The following NAV3 variants were observed in gnomAD, a reference collection of about 807,000 sequenced individuals.
The protein encoded by NAV3 is pore membrane and/or filament interacting like protein 1.
Under a neutral mutation model 244.7 loss-of-function variants are expected in NAV3, and 87 were observed. The ratio of observed to expected loss-of-function variants is 0.36; its 90% CI spans 0.30 to 0.42. The LOEUF is 0.42. Ranked by LOEUF, NAV3 falls within the 20% of genes least tolerant of loss-of-function variation. The pLI, the probability that NAV3 is intolerant of heterozygous loss-of-function variation, is 1.00. For missense variants in NAV3, 2,663 were observed against 2,893.3 expected, an observed-to-expected ratio of 0.92 and a Z score of 1.83; for synonymous variants, 1,126 against 1,042.2, an observed-to-expected ratio of 1.08 and a Z score of -1.55.
In NAV3 at chr12:77,763,102, G is replaced by C. The variant is rs2139716; in HGVS notation, c.73-177217G>C. On this transcript the variant is annotated intron_variant, in intron 2 of 8. Transcript: ENST00000550042. ...CTGTAATATCTGCCTTCATGGAATG[G>C]GATGTCTGTAAATATAGACTGTACC... Among the ~76,000 whole-genome samples, 7 of 152,066 alleles carry C rather than the reference G, an allele frequency of 4.6e-5. No individual in the cohort carries two copies. In the South Asian group the frequency reaches 1.0e-3, roughly 23 times the overall value.
At chr12:78,051,870 A>G (rs1279695249) in intron 11 of NAV3, among the ~76,000 whole-genome samples, 2 of 152,176 alleles carry the variant, frequency 1.3e-5, no homozygotes, top group East Asian at 3.8e-4. Context: ...TGCTTTGAAG[A>G]TATTGTTTTA....
chr12:78,108,584 A>C (rs1015415371), intron 12 of NAV3, among the ~76,000 whole-genome samples: 6 of 152,182 alleles, frequency 3.9e-5, no homozygotes, highest in Admixed American at 1.3e-4. Context: ...GCAATTTTTT[A>C]AAAGTTGAAA....
intron 2 of NAV3, among the ~76,000 whole-genome samples, chr12:77,600,406 G>A (rs1870371094): frequency 6.6e-6 from 1 of 151,872 alleles, no homozygotes; most frequent in Admixed American, 6.6e-5. Flanking sequence ...TTCCTTGACT[G>A]TAACTTCTCT....
chr12:77,695,553 C>T (rs568322802), intron 2 of NAV3, among the ~76,000 whole-genome samples: 106 of 152,214 alleles, frequency 7.0e-4, no homozygotes, highest in African/African-American at 2.4e-3. Flanking sequence ...GTTACTGTAG[C>T]TCTTTAGGCC....
intron 12 of NAV3, among the ~76,000 whole-genome samples, chr12:78,080,566 T>C (rs1231976303): frequency 6.6e-6 from 1 of 152,226 alleles, no homozygotes; most frequent in Non-Finnish European, 1.5e-5. Flanking sequence ...GGTATCAGTA[T>C]TGATTATGAC....
At chr12:77,838,701 G>T (rs1875092511) in intron 1 of NAV3, among the ~76,000 whole-genome samples, 1 of 151,960 alleles carries the variant, frequency 6.6e-6, no homozygotes, top group Non-Finnish European at 1.5e-5. Flanking sequence ...TGATATTTAT[G>T]CTATCAAATC....
intron 34 of NAV3, among the ~76,000 whole-genome samples, chr12:78,191,370 A>T (rs1406631596): frequency 6.6e-6 from 1 of 152,050 alleles, no homozygotes; most frequent in African/African-American, 2.4e-5. Context: ...TGCAATTTTT[A>T]ATTATAGCCC....
At chr12:77,871,207 A>T (rs982547963) in intron 1 of NAV3, among the ~76,000 whole-genome samples, 3 of 152,202 alleles carry the variant, frequency 2.0e-5, no homozygotes, top group African/African-American at 7.2e-5. Flanking sequence ...GATAAATTTC[A>T]TGTGAGAAAT....
intron 5 of NAV3, among the ~76,000 whole-genome samples, chr12:77,989,321 C>A (rs1270658281): frequency 6.6e-6 from 1 of 152,156 alleles, no homozygotes; most frequent in Non-Finnish European, 1.5e-5. Flanking sequence ...ACAAATGTCT[C>A]ACTAACTTAC....
At chr12:78,163,717 G>C (rs1227276749) in intron 23 of NAV3, among the ~76,000 whole-genome samples, 1 of 152,108 alleles carries the variant, frequency 6.6e-6, no homozygotes. Flanking sequence ...TAAGAGAATT[G>C]TTAATGTGCT....
intron 6 of NAV3, among the ~76,000 whole-genome samples, chr12:77,997,607 C>A (rs1872577591): frequency 6.6e-6 from 1 of 152,184 alleles, no homozygotes; most frequent in Non-Finnish European, 1.5e-5. Flanking sequence ...AAATTGTCAT[C>A]CAGCTAACAG....
intron 2 of NAV3, among the ~76,000 whole-genome samples, chr12:77,575,802 T>G (rs1869053193): frequency 6.6e-6 from 1 of 152,138 alleles, no homozygotes; most frequent in South Asian, 2.1e-4. Context: ...AACCAAAGCA[T>G]TTGTCATAGT....
intron 9 of NAV3, among the ~76,000 whole-genome samples, chr12:78,037,998 A>T (rs189277415): frequency 1.8e-4 from 28 of 152,300 alleles, no homozygotes; most frequent in Admixed American, 7.8e-4. Context: ...TGTGCACATT[A>T]TAAGTATTTA....
intron 2 of NAV3, among the ~76,000 whole-genome samples, chr12:77,706,042 G>C (rs183873357): frequency 6.6e-6 from 1 of 151,398 alleles, no homozygotes; most frequent in South Asian, 2.1e-4. Flanking sequence ...GATATCTAAA[G>C]TTGAGGAAAT....
At chr12:77,614,500 T>C (rs1182929773) in intron 2 of NAV3, among the ~76,000 whole-genome samples, 1 of 152,202 alleles carries the variant, frequency 6.6e-6, no homozygotes, top group Non-Finnish European at 1.5e-5. Flanking sequence ...GTATGTAATA[T>C]ATTTTAAATC....
rs2138522117 is a variant in NAV3, at chr12:78,116,915, C to A, written c.2769+11C>A. ...AGGAAGAATACTCAGGTGAGAATTACCACCTTTCTTTTTCCAGTGTTTCTG... is the reference window on the plus strand; with the variant it reads ...AGGAAGAATACTCAGGTGAGAATTAACACCTTTCTTTTTCCAGTGTTTCTG... On this transcript the variant is annotated intron_variant, in intron 13 of 39. Transcript: ENST00000397909. 1 of 1,609,046 alleles carries A rather than the reference C, an allele frequency of 6.2e-7. No individual in the cohort carries two copies. Among genetic ancestry groups the A allele is most frequent in the East Asian group, 2.2e-5 (1 of 44,756 alleles).
chr12:78,169,013 A>C, intron 24 of NAV3, 147 bp downstream of exon 24: 3 of 527,848 alleles, frequency 5.7e-6, no homozygotes, highest in Middle Eastern at 4.7e-4. Flanking sequence ...ACATACTAGT[A>C]GTATTAATAC....
At chr12:77,851,149 G>A (rs1040541698) in intron 1 of NAV3, among the ~76,000 whole-genome samples, 2 of 152,096 alleles carry the variant, frequency 1.3e-5, no homozygotes, top group Non-Finnish European at 2.9e-5. Context: ...TGAGAAGTGG[G>A]GCACAAATTC....
chr12:77,749,179 A>G (rs1484151945), intron 2 of NAV3, among the ~76,000 whole-genome samples: 1 of 152,216 alleles, frequency 6.6e-6, no homozygotes, highest in Admixed American at 6.5e-5. Flanking sequence ...TTCAACAGTG[A>G]CAGACATGAT....
Sources: allele counts gnomAD v4.1 joint callset (sites outside exome capture counted in the v4.1 genomes callset), GRCh38; gene constraint gnomAD v4.1.1; transcripts MANE v1.5; gene names NCBI Gene and HGNC (gene_info 2026-07-23, HGNC 2026-07-21).